Variants in ACACA observed in about 807,000 individuals in gnomAD.
The protein encoded by ACACA is acetyl-CoA carboxylase 1.
Under a neutral mutation model 296.1 loss-of-function variants are expected in ACACA, and 103 were observed. The observed-to-expected ratio is 0.35, with a 90% CI of 0.30 to 0.41. The LOEUF is 0.41. ACACA is among the 10% of genes least tolerant of loss of function. The pLI is 1.00. For missense variants in ACACA, 1,554 were observed against 2,989.7 expected (o/e 0.52, Z 11.20); for synonymous variants, 953 against 1,038.6 (o/e 0.92, Z 1.58).
chr17:37,220,799 T>A (rs1183046201), intron 29 of ACACA, among the ~76,000 whole-genome samples: 1 of 152,102 alleles, frequency 6.6e-6, no homozygotes, highest in Admixed American at 6.6e-5. Flanking sequence ...CCAGAAAGGG[T>A]TTCTATTGCT....
At chr17:37,390,924 C>T (rs915868969) in intron 1 of ACACA, among the ~76,000 whole-genome samples, 1 of 151,862 alleles carries the variant, frequency 6.6e-6, no homozygotes, top group African/African-American at 2.4e-5. Flanking sequence ...TCTATGAACA[C>T]AATAAGCTAC....
intron 8 of ACACA, 85 bp downstream of exon 8, chr17:37,275,866 C>CA: frequency 8.8e-7 from 1 of 1,135,714 alleles, no homozygotes; most frequent in Non-Finnish European, 1.3e-6. Context: ...TCAAGTATAC[C>CA]AATACTTTTT....
intron 9 of ACACA, among the ~76,000 whole-genome samples, chr17:37,273,678 G>A (rs1463063561): frequency 6.6e-6 from 1 of 152,204 alleles, no homozygotes; most frequent in Non-Finnish European, 1.5e-5. Context: ...ACCAGTGGGT[G>A]AGTGAGCCTG....
chr17:37,357,225 G>A (rs2147555399), intron 1 of ACACA, among the ~76,000 whole-genome samples: 1 of 152,304 alleles, frequency 6.6e-6, no homozygotes, highest in African/African-American at 2.4e-5. Flanking sequence ...TGGCGTGGTG[G>A]CTCATGCCTA....
intron 28 of ACACA, among the ~76,000 whole-genome samples, chr17:37,223,228 A>G (rs1331700966): frequency 6.6e-6 from 1 of 152,212 alleles, no homozygotes; most frequent in East Asian, 1.9e-4. Flanking sequence ...ATCCTAATTC[A>G]TTATGAAATG....
rs975324982 is a variant in ACACA, at chr17:37,113,410, C to G, written c.6275-145G>C. 2.6e-6 allele frequency: 2 copies of G among 779,326 alleles called. No individual in the cohort carries two copies. Among genetic ancestry groups the G allele is most frequent in the East Asian group, 5.3e-5 (2 of 37,610 alleles). 48.3% of individuals were successfully genotyped at this position (779,326 alleles called of 1,614,324 possible). ...CCACCCTATAGACTAAAGGGAGTAT[C>G]GACCTGTATCCCATTCAAGACTCCA... On this transcript the variant is annotated intron_variant, in intron 50 of 55. Coordinates refer to ENST00000616317, the MANE Select transcript of ACACA (RefSeq NM_198834.3). The surrounding 1 kb of genome is among the most constrained non-coding windows in gnomAD (Gnocchi z 4.0).
chr17:37,381,654 G>T, intron 1 of ACACA, among the ~76,000 whole-genome samples: 1 of 131,690 alleles, frequency 7.6e-6, no homozygotes. Context: ...TTGAGACAGA[G>T]TCTCGCTCCG....
chr17:37,110,937 A>G (rs1302818962), intron 52 of ACACA, among the ~76,000 whole-genome samples: 1 of 152,182 alleles, frequency 6.6e-6, no homozygotes, highest in Non-Finnish European at 1.5e-5. Context: ...GTTTAGTCCT[A>G]TGTTCAAATT....
chr17:37,248,367 TTC>T (rs1343638885), intron 17 of ACACA, among the ~76,000 whole-genome samples: 1 of 152,242 alleles, frequency 6.6e-6, no homozygotes, highest in Non-Finnish European at 1.5e-5. Flanking sequence ...ACTGTGGTTG[TTC>T]TCTGTCTCTC....
chr17:37,271,307 G>C (rs2082059024), intron 9 of ACACA, among the ~76,000 whole-genome samples: 1 of 152,166 alleles, frequency 6.6e-6, no homozygotes, highest in Non-Finnish European at 1.5e-5. Context: ...CCTGAGGTCG[G>C]GAGTTCAAGA....
rs532842342 is a variant in ACACA at position 37,097,157 on chromosome 17, C to A, written c.6730G>T (p.Asp2244Tyr). 32 of 1,613,336 alleles carry A rather than the reference C, an allele frequency of 2.0e-5. No individual in the cohort carries two copies. Among genetic ancestry groups the A allele is most frequent in the Non-Finnish European group, 2.7e-5 (32 of 1,180,036 alleles). The change falls in exon 54 of 56, where the codon GAT becomes TAT. Residue 2244 changes from aspartate (D) to tyrosine (Y), a missense_variant. Around this residue, in one of 16 missense-constraint regions of ACACA, gnomAD observed 553 missense variants for 1,043.6 expected, o/e 0.53. Coordinates refer to ENST00000616317, the MANE Select transcript of ACACA (RefSeq NM_198834.3). This position sits in a 1 kb window ranked among gnomAD's most constrained non-coding sequence, Gnocchi z 4.8. ...QEKGVISDIL[D>Y]WKTSRTFFYW... Reference sequence around the variant, plus strand: ...AAGAAGGTACGGGATGTTTTCCAATCCAGGATATCCTACATGCAGAGAAGA... The same window carrying A: ...AAGAAGGTACGGGATGTTTTCCAATACAGGATATCCTACATGCAGAGAAGA...
chr17:37,314,772 C>G (rs1197920502), intron 3 of ACACA, among the ~76,000 whole-genome samples: 3 of 151,110 alleles, frequency 2.0e-5, no homozygotes, highest in African/African-American at 7.3e-5. Context: ...TCCCAAGTAG[C>G]TGGGACTACA....
At chr17:37,195,036 T>C (rs1359104121) in intron 35 of ACACA, among the ~76,000 whole-genome samples, 1 of 152,168 alleles carries the variant, frequency 6.6e-6, no homozygotes, top group Admixed American at 6.5e-5. Flanking sequence ...CATGGTTTTA[T>C]ATAACCTAGT....
chr17:37,223,311 A>G (rs2079381707), intron 28 of ACACA, among the ~76,000 whole-genome samples: 1 of 152,218 alleles, frequency 6.6e-6, no homozygotes, highest in Admixed American at 6.5e-5. Context: ...ATTGGAACCT[A>G]GAAGCTGGTG....
chr17:37,362,650 A>G lies in ACACA; in HGVS notation c.39-22800T>C, dbSNP rs148165786. Among the ~76,000 whole-genome samples, 455 of 152,292 alleles carry G rather than the reference A, an allele frequency of 3.0e-3. 3 individuals are homozygous for G. In the South Asian group the frequency reaches 0.033, roughly 11 times the overall value. ...AGATTAGGGCATCGTTTCTCAAAGC[A>G]TGTCCCACTAACCACCTGATGAAAC... On this transcript the variant is annotated intron_variant, in intron 1 of 55. Transcript: ENST00000616317.
At chr17:37,161,545 C>G (rs2076461883) in intron 42 of ACACA, 1 of 585,236 alleles carries the variant, frequency 1.7e-6, no homozygotes, top group African/African-American at 1.9e-5. Flanking sequence ...ATCTAGTGCT[C>G]AACCAAAGAA....
chr17:37,365,479 G>C, intron 1 of ACACA: 2 of 985,400 alleles, frequency 2.0e-6, no homozygotes, highest in Non-Finnish European at 2.4e-6. Flanking sequence ...CTGCTTATCC[G>C]TCTTCACGTT....
At chr17:37,401,654 G>A (rs1013366711) in intron 1 of ACACA, among the ~76,000 whole-genome samples, 4 of 151,368 alleles carry the variant, frequency 2.6e-5, no homozygotes, top group Non-Finnish European at 4.4e-5. Flanking sequence ...AACTGTCTGA[G>A]CTCAAGTGAT....
At chr17:37,102,399 T>G (rs775540794) in intron 52 of ACACA, among the ~76,000 whole-genome samples, 1 of 152,020 alleles carries the variant, frequency 6.6e-6, no homozygotes, top group Admixed American at 6.6e-5. Flanking sequence ...GAGATTTGGT[T>G]TTACCATGTT....
Sources: gnomAD v4.1 joint callset for allele counts (sites outside exome capture counted in the v4.1 genomes callset) on GRCh38, gnomAD v4.1.1 for gene constraint, gnomAD v4.1.1 regional missense constraint, Gnocchi (gnomAD v3.1) non-coding constraint, MANE v1.5 for transcripts, NCBI Gene and HGNC (gene_info 2026-07-23, HGNC 2026-07-21) for gene names.